IL4I1: variants seen among roughly 807,000 people sequenced by gnomAD.
The protein encoded by IL4I1 is L-amino-acid oxidase.
In IL4I1, 24 loss-of-function variants were observed where a neutral mutation model predicts 29.7. The observed-to-expected ratio is 0.81, with a 90% confidence interval of 0.59 to 1.14. The LOEUF (loss-of-function observed/expected upper bound fraction) is 1.14. Ranked by LOEUF, IL4I1 falls within the 50% of genes most tolerant of loss-of-function variation. IL4I1 has a pLI of 0.00. For missense variants in IL4I1, 686 were observed against 785.6 expected (o/e 0.87, Z 1.52); for synonymous variants, 371 against 352.5 (o/e 1.05, Z -0.59).
chr19:49,908,142 CA>C, intron 2 of IL4I1: 2 of 1,534,376 alleles, frequency 1.3e-6, no homozygotes, highest in Non-Finnish European at 1.7e-6. Flanking sequence ...AAGAAACAAA[CA>C]AACAAGTATC....
intron 2 of IL4I1, among the ~76,000 whole-genome samples, chr19:49,918,784 A>G (rs976111535): frequency 2.0e-5 from 3 of 151,762 alleles, no homozygotes; most frequent in Admixed American, 1.3e-4. Context: ...CTCACTACCC[A>G]GGAGGCCGCA....
intron 3 of IL4I1, 72 bp downstream of exon 3, chr19:49,895,743 G>T: frequency 1.1e-6 from 1 of 880,170 alleles, no homozygotes; most frequent in Non-Finnish European, 1.8e-6. Flanking sequence ...GAACGCGGCC[G>T]TGTCCCTGTG....
In IL4I1 at chr19:49,895,851, C is replaced by T. The variant is rs1393514361; in HGVS notation, c.216G>A (p.Leu72=). The part of the protein sequence containing the change: ...VIVVGAGVAG[L]VAAKVLSDAG... ...CATCGCTGAGCACCTTGGCGGCCAC[C>T]AGCCCGGCCACACCAGCGCCAACCA... The change falls in exon 3 of 8, where the codon CTG becomes CTA. Residue 72 remains leucine, a synonymous_variant. Transcript: ENST00000391826. The T allele has an allele frequency of 5.0e-6, 8 of 1,614,176 alleles. No homozygotes were observed. Among genetic ancestry groups the T allele is most frequent in the East Asian group, 4.5e-5 (2 of 44,890 alleles).
upstream of IL4I1, among the ~76,000 whole-genome samples, chr19:49,899,553 G>T (rs10409544): frequency 0.082 from 11,607 of 140,692 alleles, 876 homozygotes; most frequent in East Asian, 0.35. Flanking sequence ...CCTGTTTTTT[G>T]TTTTTTTTGT....
rs1017078047 is a variant in IL4I1 at position 49,923,575 on chromosome 19, G to A, written c.-228+4119C>T. 4.1e-4 allele frequency among the ~76,000 whole-genome samples: 62 copies of A among 152,306 alleles called. 1 individual carries two copies. The highest frequency in any genetic ancestry group is 3.9e-3 in the Admixed American group (59 of 15,306). Reference sequence around the variant, plus strand: ...ACAGACCCGGGCTCTGGCAGCCGCCGGCTTCACTGATGCCATCTCCACAGC... The same window carrying A: ...ACAGACCCGGGCTCTGGCAGCCGCCAGCTTCACTGATGCCATCTCCACAGC... On this transcript the variant is annotated intron_variant, in intron 2 of 9. Transcript: ENST00000341114.
intron 4 of IL4I1, 151 bp from the exon 5 acceptor site, chr19:49,894,620 G>A: frequency 3.0e-6 from 2 of 671,480 alleles, no homozygotes; most frequent in South Asian, 1.7e-5. Flanking sequence ...TCAATGCTGG[G>A]GGATGGGAAT....
At chr19:49,910,157 G>C (rs1316812410) in intron 2 of IL4I1, among the ~76,000 whole-genome samples, 3 of 152,122 alleles carry the variant, frequency 2.0e-5, no homozygotes, top group African/African-American at 7.2e-5. Context: ...GGGAGAACAG[G>C]ACCTTGGACC....
intron 2 of IL4I1, chr19:49,906,957 G>C (rs1384297005): frequency 1.3e-5 from 2 of 152,858 alleles, no homozygotes; most frequent in Admixed American, 6.5e-5. Context: ...TCCACACACA[G>C]TGGATTTTAC....
chr19:49,898,086 C>T (rs560155601), upstream of IL4I1, among the ~76,000 whole-genome samples: 21 of 152,110 alleles, frequency 1.4e-4, no homozygotes, highest in African/African-American at 5.1e-4. Context: ...TTTGGGAGGT[C>T]GAGGCAGGCG....
At chr19:49,891,269 G>T in intron 6 of IL4I1, 136 bp downstream of exon 6, 1 of 1,378,088 alleles carries the variant, frequency 7.3e-7, no homozygotes, top group Non-Finnish European at 1.0e-6. Context: ...GACAGGGGGC[G>T]TGTCCAGCCC....
upstream of IL4I1, among the ~76,000 whole-genome samples, chr19:49,898,488 T>G (rs906287405): frequency 2.0e-5 from 3 of 150,248 alleles, no homozygotes; most frequent in Admixed American, 1.3e-4. Flanking sequence ...AAGAAAAAAA[T>G]AGTGACAAAA....
At chr19:49,908,193 C>A in intron 2 of IL4I1, 1 of 1,604,236 alleles carries the variant, frequency 6.2e-7, no homozygotes, top group South Asian at 1.1e-5. Flanking sequence ...GGCGCATTCC[C>A]CTCATGAACT....
intron 2 of IL4I1, chr19:49,907,995 G>A (rs2075361559): frequency 4.0e-6 from 3 of 753,938 alleles, no homozygotes; most frequent in African/African-American, 1.8e-5. Flanking sequence ...AGGTGAAAAG[G>A]GGCCAAAGAT....
chr19:49,913,830 C>T (rs1021266648), intron 2 of IL4I1, among the ~76,000 whole-genome samples: 1 of 152,160 alleles, frequency 6.6e-6, no homozygotes, highest in Non-Finnish European at 1.5e-5. Context: ...CAGACCCATA[C>T]ATACCATGCT....
intron 2 of IL4I1, among the ~76,000 whole-genome samples, chr19:49,916,356 T>TA (rs2075623401): frequency 6.9e-6 from 1 of 145,066 alleles, no homozygotes; most frequent in South Asian, 2.1e-4. Context: ...TCTTTTGTAT[T>TA]TTTTTTTTTT....
At position 49,890,225 on chromosome 19, in the gene IL4I1, A is replaced by G. The variant is rs746478244; in HGVS notation, c.1149T>C (p.Ile383=). 4 of 1,555,178 alleles carry G rather than the reference A, an allele frequency of 2.6e-6. No homozygotes were observed. Among genetic ancestry groups the G allele is most frequent in the African/African-American group, 2.7e-5 (2 of 73,206 alleles). ...CGCCCTCGCGCGGCGGCGGGTAGAA[A>G]ATCATGCGCGACGGGCGATCGGTGT... The part of the protein sequence containing the change: ...HSNTDRPSRM[I]FYPPPREGAL... Residue 383 remains isoleucine, a synonymous_variant, in exon 8 of 8, where the codon ATT becomes ATC. Coordinates refer to ENST00000391826, the MANE Select transcript of IL4I1 (RefSeq NM_152899.2).
chr19:49,905,741 C>T lies in IL4I1; in HGVS notation c.-227-1420G>A, dbSNP rs1323114516. Among the ~76,000 whole-genome samples the T allele has an allele frequency of 8.5e-5, 13 of 152,216 alleles. No individual in the cohort carries two copies. In the South Asian group the frequency reaches 1.5e-3, roughly 17 times the overall value. ...CCTCCCGAGTAGCTGGGATTACAGG[C>T]GCCCGCCACTTAACTAGCCACCAGC... On this transcript the variant is annotated intron_variant, in intron 2 of 9. Transcript: ENST00000341114.
chr19:49,913,452 C>T (rs749249583), intron 2 of IL4I1, among the ~76,000 whole-genome samples: 1 of 152,194 alleles, frequency 6.6e-6, no homozygotes, highest in African/African-American at 2.4e-5. Flanking sequence ...CATACAGTAT[C>T]AGCACGACCT....
At chr19:49,901,245 G>A (rs973051764), upstream of IL4I1, among the ~76,000 whole-genome samples, 2 of 152,170 alleles carry the variant, frequency 1.3e-5, no homozygotes, top group African/African-American at 4.8e-5. Context: ...TTAGCCGGGC[G>A]TGGTGGCGGG....
Sources: gnomAD v4.1 joint callset for allele counts (sites outside exome capture counted in the v4.1 genomes callset) on GRCh38, gnomAD v4.1.1 for gene constraint, MANE v1.5 for transcripts, NCBI Gene and HGNC (gene_info 2026-07-23, HGNC 2026-07-21) for gene names.